The following NCKAP5 variants were observed in gnomAD, a reference collection of about 807,000 sequenced individuals.
NCKAP5 encodes nck-associated protein 5.
Under a neutral mutation model 167.0 loss-of-function variants are expected in NCKAP5, and 92 were observed. The ratio of observed to expected loss-of-function variants is 0.55; its 90% CI spans 0.47 to 0.66. The LOEUF is 0.66. NCKAP5 is among the 30% of genes least tolerant of loss of function. NCKAP5 has a pLI of 0.00. For synonymous variants in NCKAP5, 891 were observed against 877.4 expected, an observed-to-expected ratio of 1.02 and a Z score of -0.27; for missense variants, 2,378 against 2,315.0, an observed-to-expected ratio of 1.03 and a Z score of -0.56.
At chr2:132,748,614 C>T (rs751448401) in intron 16 of NCKAP5, among the ~76,000 whole-genome samples, 9 of 152,152 alleles carry the variant, frequency 5.9e-5, no homozygotes, top group Non-Finnish European at 7.3e-5. Flanking sequence ...GAGCTCTTTG[C>T]GCTGCTCTGC....
chr2:133,007,243 G>A (rs899332005), intron 6 of NCKAP5, among the ~76,000 whole-genome samples: 3 of 152,186 alleles, frequency 2.0e-5, no homozygotes, highest in African/African-American at 7.2e-5. Context: ...ATGTTATGAG[G>A]ATGCAATAAG....
rs1683111849 is a variant in NCKAP5, at chr2:132,782,383, G to T, written c.4428C>A (p.Val1476=). Residue 1476 remains valine (V), a synonymous_variant, in exon 14 of 20, where the codon GTC becomes GTA. Coordinates refer to ENST00000409261, the MANE Select transcript of NCKAP5 (RefSeq NM_207363.3). ...APLSPTIEEK[V]MLCIQENVEK... is the part of the protein sequence containing the mutation. ...CCACATTTTCCTGAATGCACAACAT[G>T]ACCTTTTCTTCGATTGTGGGTGAGA... The T allele has an allele frequency of 9.3e-6, 15 of 1,614,014 alleles. No homozygotes were observed. Among genetic ancestry groups the T allele is most frequent in the Non-Finnish European group, 1.3e-5 (15 of 1,179,906 alleles).
At chr2:133,632,230 G>C in the NCKAP5 span, among the ~76,000 whole-genome samples, 1 of 152,208 alleles carries the variant, frequency 6.6e-6, no homozygotes, top group Admixed American at 6.5e-5. Context: ...CTGCAGGCAG[G>C]AGCCTGTTCT....
chr2:133,456,575 C>CT (rs1691876508), intron 3 of NCKAP5, among the ~76,000 whole-genome samples: 1 of 152,084 alleles, frequency 6.6e-6, no homozygotes, highest in South Asian at 2.1e-4. Context: ...AAGATAAATC[C>CT]TTTTTTGTAT....
At chr2:132,863,490 A>G (rs936510397) in intron 10 of NCKAP5, among the ~76,000 whole-genome samples, 6 of 152,094 alleles carry the variant, frequency 3.9e-5, no homozygotes, top group Non-Finnish European at 5.9e-5. Context: ...AAAGAAAAAA[A>G]TCAATATACT....
At chr2:133,207,808 A>T (rs1254215200) in intron 5 of NCKAP5, among the ~76,000 whole-genome samples, 1 of 152,222 alleles carries the variant, frequency 6.6e-6, no homozygotes, top group East Asian at 1.9e-4. Flanking sequence ...TGATTGAATA[A>T]ATAATAAGGA....
chr2:133,433,084 T>C (rs1690259203), intron 3 of NCKAP5, among the ~76,000 whole-genome samples: 2 of 152,216 alleles, frequency 1.3e-5, no homozygotes, highest in Middle Eastern at 3.2e-3. Context: ...GAAAACAGTT[T>C]TGACCACTTT....
At position 133,159,251 on chromosome 2, in the gene NCKAP5, G is replaced by A. The variant is rs552537220; in HGVS notation, c.208-29140C>T. ...CCTTTAGGAGCTGAGGTTGGTCCCCGGTTAAAACAAAATGAGGTCCTCGGT... is the reference window on the plus strand; with the variant it reads ...CCTTTAGGAGCTGAGGTTGGTCCCCAGTTAAAACAAAATGAGGTCCTCGGT... On this transcript the variant is annotated intron_variant, in intron 5 of 19. Transcript: ENST00000409261. 4.6e-5 allele frequency among the ~76,000 whole-genome samples: 7 copies of A among 152,132 alleles called. No homozygotes were observed. In the East Asian group the frequency reaches 9.7e-4, roughly 21 times the overall value.
intron 4 of NCKAP5, among the ~76,000 whole-genome samples, chr2:133,254,634 A>T (rs1020432909): frequency 6.6e-6 from 1 of 152,188 alleles, no homozygotes; most frequent in Non-Finnish European, 1.5e-5. Context: ...CGTCCTTCAC[A>T]TACATAATCT....
intron 3 of NCKAP5, among the ~76,000 whole-genome samples, chr2:133,415,507 GC>G (rs1351149112): frequency 6.6e-6 from 1 of 152,230 alleles, no homozygotes; most frequent in Non-Finnish European, 1.5e-5. Flanking sequence ...CAGAGCAGCT[GC>G]AGGCCCAGGT....
chr2:132,729,660 T>C (rs1465700604), intron 17 of NCKAP5, among the ~76,000 whole-genome samples: 2 of 152,158 alleles, frequency 1.3e-5, no homozygotes, highest in Non-Finnish European at 2.9e-5. Context: ...AGCAAGGGTG[T>C]AATTAGCAGA....
At chr2:132,797,622 C>T (rs1325653770) in intron 11 of NCKAP5, among the ~76,000 whole-genome samples, 2 of 152,208 alleles carry the variant, frequency 1.3e-5, no homozygotes, top group Non-Finnish European at 2.9e-5. Context: ...GCCTCTCTCG[C>T]TTCCGAAAAG....
At chr2:132,971,317 G>T (rs1047414041) in intron 7 of NCKAP5, among the ~76,000 whole-genome samples, 6 of 152,152 alleles carry the variant, frequency 3.9e-5, no homozygotes, top group African/African-American at 1.2e-4. Flanking sequence ...AAATAACCAC[G>T]ATGTGAGAAG....
chr2:133,165,689 T>G (rs992658279), intron 5 of NCKAP5, among the ~76,000 whole-genome samples: 18 of 152,184 alleles, frequency 1.2e-4, no homozygotes, highest in African/African-American at 4.1e-4. Flanking sequence ...ATGCTTCTCC[T>G]GTGTTATGAG....
intron 15 of NCKAP5, among the ~76,000 whole-genome samples, chr2:132,779,019 T>C (rs1682789724): frequency 6.6e-6 from 1 of 152,224 alleles, no homozygotes; most frequent in South Asian, 2.1e-4. Flanking sequence ...TAATAACATT[T>C]CTCTGTATGG....
At chr2:133,195,302 T>C (rs1040149536) in intron 5 of NCKAP5, among the ~76,000 whole-genome samples, 1 of 152,140 alleles carries the variant, frequency 6.6e-6, no homozygotes, top group Non-Finnish European at 1.5e-5. Flanking sequence ...TATATGATTA[T>C]TAGGTGACAC....
intron 5 of NCKAP5, among the ~76,000 whole-genome samples, chr2:133,197,263 C>T (rs1046270924): frequency 6.6e-6 from 1 of 152,022 alleles, no homozygotes; most frequent in African/African-American, 2.4e-5. Context: ...ACAAAGAAGA[C>T]CAGAGACGAG....
chr2:133,208,576 C>A (rs911265683), intron 5 of NCKAP5, among the ~76,000 whole-genome samples: 1 of 152,050 alleles, frequency 6.6e-6, no homozygotes, highest in African/African-American at 2.4e-5. Flanking sequence ...CCAAGAGAAG[C>A]TTTAGGAGTA....
At chr2:132,982,614 C>G (rs992444871) in intron 7 of NCKAP5, among the ~76,000 whole-genome samples, 2 of 152,202 alleles carry the variant, frequency 1.3e-5, no homozygotes, top group African/African-American at 4.8e-5. Flanking sequence ...ATCCCATCAC[C>G]TAGGTAGCAA....
Sources: gnomAD v4.1 joint callset for allele counts (sites outside exome capture counted in the v4.1 genomes callset) on GRCh38, gnomAD v4.1.1 for gene constraint, MANE v1.5 for transcripts, NCBI Gene and HGNC (gene_info 2026-07-23, HGNC 2026-07-21) for gene names.